SCAPER: variants seen among roughly 807,000 people sequenced by gnomAD.
The protein encoded by SCAPER is S phase cyclin A-associated protein in the endoplasmic reticulum.
In SCAPER, 98 loss-of-function variants were observed where a neutral mutation model predicts 182.2. That is an observed-to-expected ratio of 0.54 (90% CI 0.46 to 0.64). The LOEUF is 0.64. Among genes scored for constraint, SCAPER ranks in the 30% least tolerant of loss-of-function variants. The pLI, the probability that SCAPER is intolerant of heterozygous loss-of-function variation, is 0.00. For missense variants in SCAPER, 1,432 were observed against 1,690.0 expected, an observed-to-expected ratio of 0.85 and a Z score of 2.68; for synonymous variants, 605 against 564.6, an observed-to-expected ratio of 1.07 and a Z score of -1.01.
At chr15:76,528,562 A>G (rs756503006) in intron 23 of SCAPER, among the ~76,000 whole-genome samples, 4 of 152,126 alleles carry the variant, frequency 2.6e-5, no homozygotes, top group Non-Finnish European at 5.9e-5. Flanking sequence ...GCCAATATTG[A>G]TTTAGTCTCT....
At chr15:76,694,625 G>C (rs2058557367) in intron 20 of SCAPER, among the ~76,000 whole-genome samples, 1 of 151,918 alleles carries the variant, frequency 6.6e-6, no homozygotes, top group African/African-American at 2.4e-5. Context: ...CACATACCAG[G>C]AACTTTCCAT....
At chr15:76,779,053 G>C (rs35374222) in intron 8 of SCAPER, among the ~76,000 whole-genome samples, 1 of 151,702 alleles carries the variant, frequency 6.6e-6, no homozygotes, top group Non-Finnish European at 1.5e-5. Context: ...ATAGGATATA[G>C]GATATAGGAT....
At chr15:76,545,696 T>C (rs565819194) in intron 23 of SCAPER, among the ~76,000 whole-genome samples, 3 of 152,102 alleles carry the variant, frequency 2.0e-5, no homozygotes, top group Non-Finnish European at 4.4e-5. Context: ...TGAAGACTAC[T>C]GTGAAGGGAA....
rs894185083 is a variant in SCAPER, at chr15:76,856,353, C to T, written c.195+1456G>A. Among the ~76,000 whole-genome samples, 9 of 152,076 alleles carry T rather than the reference C, an allele frequency of 5.9e-5. No homozygotes were observed. In the East Asian group the frequency reaches 1.7e-3, roughly 29 times the overall value. ...GTGATGAAATAATCTGTACGACAAA[C>T]CCCCATGAAACGAGTTTACCTATAT... is the stretch of plus-strand genomic sequence containing the variant. On this transcript the variant is annotated intron_variant, in intron 4 of 31. Coordinates refer to ENST00000563290, the MANE Select transcript of SCAPER (RefSeq NM_020843.4).
chr15:76,579,625 G>T (rs962161353), intron 22 of SCAPER, among the ~76,000 whole-genome samples: 6 of 151,234 alleles, frequency 4.0e-5, no homozygotes, highest in South Asian at 2.1e-4. Flanking sequence ...AAGAAAAGAA[G>T]GAAAAGACCA....
intron 27 of SCAPER, among the ~76,000 whole-genome samples, chr15:76,391,916 TG>T (rs2043725581): frequency 6.6e-6 from 1 of 152,198 alleles, no homozygotes; most frequent in Non-Finnish European, 1.5e-5. Flanking sequence ...AACATCCCTT[TG>T]ATGGAATCAA....
intron 23 of SCAPER, among the ~76,000 whole-genome samples, chr15:76,549,432 AATG>A (rs1254944409): frequency 6.6e-6 from 1 of 152,216 alleles, no homozygotes; most frequent in African/African-American, 2.4e-5. Flanking sequence ...AGCCATAAAA[AATG>A]ATGAGTTCAT....
chr15:76,827,119 C>T (rs1304045443), intron 5 of SCAPER, among the ~76,000 whole-genome samples: 2 of 152,220 alleles, frequency 1.3e-5, no homozygotes, highest in East Asian at 3.9e-4. Flanking sequence ...TACTATTCTT[C>T]CACCAAATTG....
In SCAPER at chr15:76,391,646, C is replaced by T. The variant is rs546245383; in HGVS notation, c.3468-10031G>A. Among the ~76,000 whole-genome samples the T allele has an allele frequency of 6.2e-4, 95 of 152,246 alleles. No homozygotes were observed. In the South Asian group the frequency reaches 0.018, roughly 30 times the overall value. On this transcript the variant is annotated intron_variant, in intron 27 of 31. Transcript: ENST00000563290. ...AGAATAGGCCCAGGAAATGGGATTC[C>T]GACATAGGCCAATGATCGTTCACTA... is the stretch of plus-strand genomic sequence containing the variant.
At chr15:76,818,573 AC>A (rs2067264810) in intron 5 of SCAPER, among the ~76,000 whole-genome samples, 1 of 151,772 alleles carries the variant, frequency 6.6e-6, no homozygotes, top group Admixed American at 6.6e-5. Context: ...TCCAAAACAT[AC>A]AAAAAACTCT....
intron 25 of SCAPER, among the ~76,000 whole-genome samples, chr15:76,447,206 C>T (rs555193452): frequency 7.9e-5 from 12 of 152,242 alleles, no homozygotes; most frequent in African/African-American, 2.9e-4. Context: ...CATGGAGGTT[C>T]TTGGAGGGTG....
chr15:76,444,579 TTC>T (rs1446140457), intron 25 of SCAPER, among the ~76,000 whole-genome samples: 1 of 152,240 alleles, frequency 6.6e-6, no homozygotes, highest in Non-Finnish European at 1.5e-5. Context: ...CTTTTGTTTA[TTC>T]TGTTTGTGGT....
chr15:76,408,702 C>T (rs542688711), intron 26 of SCAPER, among the ~76,000 whole-genome samples: 2 of 151,756 alleles, frequency 1.3e-5, no homozygotes, highest in Admixed American at 6.6e-5. Flanking sequence ...AGGAAGGCAA[C>T]GCACAAGCTC....
chr15:76,553,191 C>T (rs557213875), intron 23 of SCAPER, among the ~76,000 whole-genome samples: 78 of 152,340 alleles, frequency 5.1e-4, no homozygotes, highest in Non-Finnish European at 9.0e-4. Context: ...TCTATCCAAC[C>T]CAGCTGAGGC....
intron 17 of SCAPER, among the ~76,000 whole-genome samples, chr15:76,724,158 AAAGAC>A (rs761420879): frequency 0.98 from 142,155 of 145,438 alleles, 69,586 homozygotes; most frequent in South Asian, 1. Flanking sequence ...TTTGTAAAGC[AAAGAC>A]TTATTTCTCC....
chr15:76,617,003 A>G (rs755494085), intron 22 of SCAPER, among the ~76,000 whole-genome samples: 10 of 152,190 alleles, frequency 6.6e-5, no homozygotes, highest in African/African-American at 1.9e-4. Flanking sequence ...ATCATATCCA[A>G]TATTTTCTCC....
chr15:76,417,766 TC>T (rs1424012966), intron 26 of SCAPER, among the ~76,000 whole-genome samples: 1 of 152,208 alleles, frequency 6.6e-6, no homozygotes, highest in Non-Finnish European at 1.5e-5. Flanking sequence ...ATGCCTGTAA[TC>T]CCACAACTTT....
At chr15:76,732,953 T>C (rs940147737) in intron 16 of SCAPER, among the ~76,000 whole-genome samples, 3 of 152,192 alleles carry the variant, frequency 2.0e-5, no homozygotes, top group African/African-American at 7.2e-5. Flanking sequence ...TGACCTTACG[T>C]ATCATTGGAG....
chr15:76,401,723 G>A (rs569720974), intron 27 of SCAPER, among the ~76,000 whole-genome samples: 2 of 152,244 alleles, frequency 1.3e-5, no homozygotes, highest in East Asian at 1.9e-4. Flanking sequence ...TTGTATGTCC[G>A]TATCTCTTGG....
Sources: allele counts gnomAD v4.1 joint callset (sites outside exome capture counted in the v4.1 genomes callset), GRCh38; gene constraint gnomAD v4.1.1; transcripts MANE v1.5; gene names NCBI Gene and HGNC (gene_info 2026-07-23, HGNC 2026-07-21).